The following NAV2 variants were observed in gnomAD, a reference collection of about 807,000 sequenced individuals.
NAV2 encodes the protein helicase, APC down-regulated 1.
Under a neutral mutation model 223.2 loss-of-function variants are expected in NAV2, and 54 were observed. The observed-to-expected ratio is 0.24, with a 90% CI of 0.19 to 0.30. NAV2 has a LOEUF of 0.30. Ranked by LOEUF, NAV2 falls within the 10% of genes least tolerant of loss-of-function variation. NAV2 has a pLI of 1.00. For missense variants in NAV2, 2,806 were observed against 3,147.5 expected (o/e 0.89, Z 2.60); for synonymous variants, 1,279 against 1,239.3 (o/e 1.03, Z -0.67).
chr11:20,041,852 T>C (rs990607681), intron 12 of NAV2, among the ~76,000 whole-genome samples: 4 of 152,236 alleles, frequency 2.6e-5, no homozygotes, highest in African/African-American at 9.6e-5. Context: ...TTTAGGGTAC[T>C]TCTTTTTGAA....
chr11:20,110,009 C>T (rs2062488323), intron 36 of NAV2, among the ~76,000 whole-genome samples: 1 of 152,194 alleles, frequency 6.6e-6, no homozygotes, highest in African/African-American at 2.4e-5. Context: ...AAAGGAACTC[C>T]CCTTCCCACC....
intron 11 of NAV2, among the ~76,000 whole-genome samples, chr11:19,993,583 C>T (rs981542701): frequency 1.3e-5 from 2 of 152,098 alleles, no homozygotes; most frequent in Non-Finnish European, 2.9e-5. Context: ...TCCCCCCTCC[C>T]CCCGTTATTT....
In NAV2 at chr11:19,776,632, A is replaced by ATGTGTGTGTGTGTGTGTG. The variant is rs71050685; in HGVS notation, c.268-55825_268-55808dup. Among the ~76,000 whole-genome samples the ATGTGTGTGTGTGTGTGTG allele has an allele frequency of 9.2e-3, 596 of 64,632 alleles. 27 individuals are homozygous for ATGTGTGTGTGTGTGTGTG. Among genetic ancestry groups the ATGTGTGTGTGTGTGTGTG allele is most frequent in the Middle Eastern group, 0.029 (3 of 102 alleles). 42.4% of individuals were successfully genotyped at this position (64,632 alleles called of 152,430 possible). On this transcript the variant is annotated intron_variant, in intron 1 of 37. Coordinates refer to ENST00000349880, the MANE Select transcript of NAV2 (RefSeq NM_145117.5). The stretch of plus-strand genomic sequence containing the variant: ...TGGTTAGAGTTGTGGGGGTCAGAAA[A>ATGTGTGTGTGTGTGTGTG]TGTGTGTGTGTGTGTGTGTGTGTGT...
intron 22 of NAV2, among the ~76,000 whole-genome samples, chr11:20,075,144 C>T (rs1433679828): frequency 6.6e-6 from 1 of 152,020 alleles, no homozygotes; most frequent in African/African-American, 2.4e-5. Context: ...TTGCCACACT[C>T]TCCAGGGCAG....
intron 1 of NAV2, among the ~76,000 whole-genome samples, chr11:19,524,478 C>T (rs1179095876): frequency 2.6e-5 from 4 of 152,170 alleles, no homozygotes; most frequent in East Asian, 1.9e-4. Flanking sequence ...ACAGATGGCC[C>T]GGCTCTGCAC....
At chr11:19,547,127 C>T (rs1158624647) in intron 1 of NAV2, among the ~76,000 whole-genome samples, 1 of 152,206 alleles carries the variant, frequency 6.6e-6, no homozygotes, top group African/African-American at 2.4e-5. Flanking sequence ...CTGCCCTGCA[C>T]ATGGCAACAC....
At position 20,080,072 on chromosome 11, in the gene NAV2, A is replaced by G. The variant is rs2059996332; in HGVS notation, c.5188A>G (p.Thr1730Ala). Residue 1730 changes from threonine to alanine, a missense_variant, in exon 25 of 38, where the codon ACT becomes GCT. This residue lies in a region of NAV2 where 824 missense variants were observed against 1,069.4 expected (regional missense o/e 0.77). Transcript: ENST00000349880. ...TPELNCKGNG[T>A]AQSADLRIRR... ...CCTGCCTTGGTCTCCAGGAAACGGC[A>G]CTGCCCAGTCTGCAGACCTCCGCAT... The G allele has an allele frequency of 1.2e-6, 2 of 1,613,634 alleles. No individual in the cohort carries two copies. Among genetic ancestry groups the G allele is most frequent in the African/African-American group, 2.7e-5 (2 of 74,920 alleles).
intron 1 of NAV2, among the ~76,000 whole-genome samples, chr11:19,679,804 G>A (rs10766581): frequency 0.72 from 109,862 of 152,128 alleles, 43,549 homozygotes; most frequent in Non-Finnish European, 0.88. Flanking sequence ...TGAGGGCAGG[G>A]ACTGTGTCTA....
Position 19,488,452 on chromosome 11 carries a change from C to T in NAV2, c.75+137425C>T, listed in dbSNP as rs184723490. On this transcript the variant is annotated intron_variant, in intron 1 of 37. Transcript: ENST00000360655. ...CTAAAGCAGCGCATTATGAATTATG[C>T]TTAATCACGTGGCACAAATGTATAG... is the stretch of plus-strand genomic sequence containing the variant. Among the ~76,000 whole-genome samples, 786 of 152,252 alleles carry T rather than the reference C, an allele frequency of 5.2e-3. 5 individuals are homozygous for T. The highest frequency in any genetic ancestry group is 8.2e-3 in the Non-Finnish European group (557 of 68,022).
chr11:19,760,016 T>G (rs1417448183), intron 1 of NAV2: 1 of 154,072 alleles, frequency 6.5e-6, no homozygotes, highest in East Asian at 1.9e-4. Flanking sequence ...AATACATAGG[T>G]GTTATCCTGT....
At chr11:19,598,869 G>T (rs572420040) in intron 1 of NAV2, among the ~76,000 whole-genome samples, 2 of 137,410 alleles carry the variant, frequency 1.5e-5, no homozygotes, top group Non-Finnish European at 2.9e-5. Flanking sequence ...TGCATAATAC[G>T]TTCTTTTATG....
intron 1 of NAV2, among the ~76,000 whole-genome samples, chr11:19,374,026 C>G (rs1430187427): frequency 6.6e-6 from 1 of 152,134 alleles, no homozygotes; most frequent in African/African-American, 2.4e-5. Flanking sequence ...TTAAAAATAA[C>G]AGTAGATCTT....
chr11:19,447,331 C>T (rs984777591), intron 1 of NAV2, among the ~76,000 whole-genome samples: 1 of 152,172 alleles, frequency 6.6e-6, no homozygotes. Context: ...CACCTTGCTT[C>T]GTGGTTTCCA....
intron 1 of NAV2, among the ~76,000 whole-genome samples, chr11:19,774,165 T>C (rs2055942017): frequency 6.6e-6 from 1 of 152,216 alleles, no homozygotes; most frequent in Admixed American, 6.5e-5. Context: ...CTCCCCAGCC[T>C]TGTGCATTGT....
chr11:19,362,006 G>T (rs1234703391), intron 1 of NAV2, among the ~76,000 whole-genome samples: 1 of 152,156 alleles, frequency 6.6e-6, no homozygotes, highest in East Asian at 1.9e-4. Context: ...TGGAGAGGAG[G>T]TGAGTGAGGA....
chr11:19,707,006 A>G (rs1332990157), intron 1 of NAV2, among the ~76,000 whole-genome samples: 1 of 152,216 alleles, frequency 6.6e-6, no homozygotes, highest in Non-Finnish European at 1.5e-5. Flanking sequence ...CTAAACGTAG[A>G]AAAGGTACAG....
intron 1 of NAV2, among the ~76,000 whole-genome samples, chr11:19,490,334 A>C (rs1293002917): frequency 6.6e-6 from 1 of 152,212 alleles, no homozygotes; most frequent in Admixed American, 6.5e-5. Flanking sequence ...ATGTGATGCT[A>C]TTTGATAGCA....
At chr11:19,495,458 G>T (rs2042763318) in intron 1 of NAV2, among the ~76,000 whole-genome samples, 1 of 152,186 alleles carries the variant, frequency 6.6e-6, no homozygotes, top group Non-Finnish European at 1.5e-5. Flanking sequence ...AGGGAAAGCT[G>T]CCCAGAGGTG....
chr11:20,103,291 T>A lies in NAV2; in HGVS notation c.6454T>A (p.Cys2152Ser). ...GTACCTGTCCAACCTTGCTGACCAG[T>A]GCAACAGTGAGAACAATGCTGTGGA... ...RQYLSNLADQ[C>S]NSENNAVDMP... The change falls in exon 33 of 38, where the codon TGC becomes AGC. Residue 2152 changes from cysteine to serine, a missense_variant. Around this residue, in one of 4 missense-constraint regions of NAV2, gnomAD observed 824 missense variants for 1,069.4 expected, o/e 0.77. Transcript: ENST00000349880. 1 of 1,614,180 alleles carries A rather than the reference T, an allele frequency of 6.2e-7. No individual in the cohort carries two copies. The highest frequency in any genetic ancestry group is 8.5e-7 in the Non-Finnish European group (1 of 1,180,012).
Sources: allele counts gnomAD v4.1 joint callset (sites outside exome capture counted in the v4.1 genomes callset), GRCh38; gene constraint gnomAD v4.1.1; regional missense constraint gnomAD v4.1.1; transcripts MANE v1.5; gene names NCBI Gene and HGNC (gene_info 2026-07-23, HGNC 2026-07-21).